Variants in CLIP2 observed in about 807,000 individuals in gnomAD.
CLIP2 encodes the protein CAP-Gly domain-containing linker protein 2.
Under a neutral mutation model 111.7 loss-of-function variants are expected in CLIP2, and 41 were observed. That is an observed-to-expected ratio of 0.37 (90% confidence interval 0.29 to 0.48). The LOEUF (loss-of-function observed/expected upper bound fraction) is 0.48, where lower values mean the gene tolerates loss of function less well. CLIP2 is among the 20% of genes least tolerant of loss of function. The pLI is 0.99. For missense variants in CLIP2, 1,160 were observed against 1,422.1 expected (o/e 0.82, Z 2.96); for synonymous variants, 660 against 644.2 (o/e 1.02, Z -0.37).
intron 7 of CLIP2, among the ~76,000 whole-genome samples, chr7:74,362,179 C>G (rs1428671451): frequency 1.3e-5 from 2 of 152,144 alleles, no homozygotes; most frequent in Admixed American, 1.3e-4. Flanking sequence ...GGTGGGGACT[C>G]TGGCCGACTT....
chr7:74,356,681 G>A (rs564216114), intron 5 of CLIP2, 58 bp downstream of exon 5: 5 of 1,490,284 alleles, frequency 3.4e-6, no homozygotes, highest in South Asian at 2.4e-5. Context: ...GGGTGAGGAT[G>A]TAAGAGATCC....
intron 13 of CLIP2, among the ~76,000 whole-genome samples, chr7:74,391,162 T>A (rs1457565020): frequency 6.6e-6 from 1 of 152,204 alleles, no homozygotes; most frequent in Non-Finnish European, 1.5e-5. Flanking sequence ...AACTAGATTC[T>A]GGCATCTTTT....
At chr7:74,381,335 T>C (rs1156335951) in intron 11 of CLIP2, among the ~76,000 whole-genome samples, 1 of 151,982 alleles carries the variant, frequency 6.6e-6, no homozygotes, top group Non-Finnish European at 1.5e-5. Context: ...ATTACAGGCA[T>C]GCACCACCAT....
intron 13 of CLIP2, among the ~76,000 whole-genome samples, chr7:74,395,423 C>G (rs1554316525): frequency 6.6e-6 from 1 of 152,152 alleles, no homozygotes; most frequent in Non-Finnish European, 1.5e-5. Context: ...TCCCAAAGTG[C>G]TGGGATTACA....
rs180930845 is a variant in CLIP2 at position 74,321,617 on chromosome 7, C to T, written c.121+3950C>T. Among the ~76,000 whole-genome samples, 753 of 151,908 alleles carry T rather than the reference C, an allele frequency of 5.0e-3. 8 individuals carry two copies. Among genetic ancestry groups the T allele is most frequent in the African/African-American group, 0.018 (728 of 41,422 alleles). On this transcript the variant is annotated intron_variant, in intron 2 of 16. Transcript: ENST00000223398. Reference sequence around the variant, plus strand: ...CCAAGTAGCTGGGATTACAGGCGCCCGCCACCACGCCAGGCTAATTTTTTG... The same window carrying T: ...CCAAGTAGCTGGGATTACAGGCGCCTGCCACCACGCCAGGCTAATTTTTTG...
At position 74,370,143 on chromosome 7, in the gene CLIP2, G is replaced by A. The variant is rs12056124; in HGVS notation, c.1381-2789G>A. 4.0e-4 allele frequency among the ~76,000 whole-genome samples: 21 copies of A among 52,898 alleles called. No individual in the cohort carries two copies. In the East Asian group the frequency reaches 0.016, roughly 40 times the overall value. 34.7% of individuals were successfully genotyped at this position (52,898 alleles called of 152,430 possible). A position where few individuals can be genotyped will look rare whatever the true frequency, so the allele number is the denominator to read the frequency against. On this transcript the variant is annotated intron_variant, in intron 8 of 16. Transcript: ENST00000223398. Reference sequence around the variant, plus strand: ...TGCACTCCAGCCTGAGTAACAGAGCGAGACTCTGCCTCAAAAAAAAAAAAA... The same window carrying A: ...TGCACTCCAGCCTGAGTAACAGAGCAAGACTCTGCCTCAAAAAAAAAAAAA...
At chr7:74,329,087 G>GTTTTTTT (rs35692014) in intron 2 of CLIP2, among the ~76,000 whole-genome samples, 4 of 111,080 alleles carry the variant, frequency 3.6e-5, no homozygotes, top group Non-Finnish European at 3.4e-5. Context: ...TTTTTTTTTG[G>GTTTTTTT]TTTTTTTTTT....
rs374077234 is a variant in CLIP2 at position 74,400,627 on chromosome 7, C to T, written c.3066+72C>T. 7.3e-5 allele frequency: 101 copies of T among 1,390,314 alleles called. No individual in the cohort carries two copies. The East Asian group carries it at 2.0e-3, about 28-fold the overall frequency. The allele number at this position is 1,390,314 out of a possible 1,614,324, so 86.1% of individuals were successfully genotyped here. ...GTGTCCTCGGAGCCCCCGTCTGATG[C>T]GGGAGGCAGCCTTGTCTTTAAAACC... On this transcript the variant is annotated intron_variant, in intron 15 of 16. Transcript: ENST00000223398.
intron 1 of CLIP2, among the ~76,000 whole-genome samples, chr7:74,296,027 A>G (rs1477739445): frequency 6.6e-6 from 1 of 151,742 alleles, no homozygotes; most frequent in Non-Finnish European, 1.5e-5. Context: ...TATAGAGATA[A>G]TCAAGTTCAA....
intron 1 of CLIP2, among the ~76,000 whole-genome samples, chr7:74,314,694 C>A (rs1216636819): frequency 1.3e-5 from 2 of 152,214 alleles, no homozygotes; most frequent in African/African-American, 4.8e-5. Context: ...CGGTGCTCCC[C>A]AGGGCAGAGG....
intron 3 of CLIP2, among the ~76,000 whole-genome samples, chr7:74,351,954 G>T (rs1554307663): frequency 1.3e-5 from 2 of 152,208 alleles, no homozygotes; most frequent in African/African-American, 4.8e-5. Flanking sequence ...GAGGTGAAAT[G>T]GTTGACAGGA....
chr7:74,344,922 G>A (rs910454707), intron 3 of CLIP2, among the ~76,000 whole-genome samples: 2 of 152,136 alleles, frequency 1.3e-5, no homozygotes, highest in Non-Finnish European at 2.9e-5. Flanking sequence ...ACCCAAGGAG[G>A]AGACAGAGGA....
intron 2 of CLIP2, among the ~76,000 whole-genome samples, chr7:74,330,343 A>G (rs567354877): frequency 7.0e-6 from 1 of 142,134 alleles, no homozygotes; most frequent in East Asian, 2.1e-4. Flanking sequence ...TGCAATCTCC[A>G]CCTCCTAAGT....
At chr7:74,346,318 G>A (rs942979832) in intron 3 of CLIP2, among the ~76,000 whole-genome samples, 2 of 152,144 alleles carry the variant, frequency 1.3e-5, no homozygotes, top group Non-Finnish European at 2.9e-5. Context: ...AGTGGTAGGG[G>A]AAGAGGAGAA....
rs1788820383 is a variant in CLIP2 at position 74,317,585 on chromosome 7, G to C, written c.39G>C (p.Gly13=). 1 of 1,498,784 alleles carries C rather than the reference G, an allele frequency of 6.7e-7. No individual in the cohort carries two copies. The highest frequency in any genetic ancestry group is 1.3e-5 in the South Asian group (1 of 75,652). 92.8% of individuals were successfully genotyped at this position (1,498,784 alleles called of 1,614,324 possible). The change falls in exon 2 of 17, where the codon GGG becomes GGC. Residue 13 remains glycine, a synonymous_variant. Transcript: ENST00000223398. ...KPSGLKPPGR[G]GKHSSPMGRT... ...GCGGCCTGAAGCCCCCCGGCCGTGG[G>C]GGGAAGCACTCCAGCCCCATGGGCC... is the stretch of plus-strand genomic sequence containing the variant.
chr7:74,317,876 G>A (rs560168549), intron 2 of CLIP2, among the ~76,000 whole-genome samples: 17 of 152,294 alleles, frequency 1.1e-4, no homozygotes, highest in African/African-American at 3.8e-4. Flanking sequence ...GGTCTGGAGG[G>A]TGAATAGGTG....
At chr7:74,401,354 G>T (rs1230645446) in intron 15 of CLIP2, 151 bp from the exon 16 acceptor site, 5 of 699,734 alleles carry the variant, frequency 7.1e-6, no homozygotes, top group Non-Finnish European at 1.3e-5. Context: ...ACCCCTAGAG[G>T]CTTGGTCTTT....
At chr7:74,347,224 G>A (rs880002946) in intron 3 of CLIP2, among the ~76,000 whole-genome samples, 1 of 152,064 alleles carries the variant, frequency 6.6e-6, no homozygotes, top group Non-Finnish European at 1.5e-5. Context: ...TGGATAGAGG[G>A]GTCCCAGGCA....
chr7:74,320,127 C>T (rs1412513372), intron 2 of CLIP2, among the ~76,000 whole-genome samples: 1 of 140,088 alleles, frequency 7.1e-6, no homozygotes, highest in Non-Finnish European at 1.5e-5. Context: ...ACCCGGGAGG[C>T]GGAGTTTGCA....
Sources: allele counts gnomAD v4.1 joint callset (sites outside exome capture counted in the v4.1 genomes callset), GRCh38; gene constraint gnomAD v4.1.1; transcripts MANE v1.5; gene names NCBI Gene and HGNC (gene_info 2026-07-23, HGNC 2026-07-21).